The following UVRAG variants were observed in gnomAD, a reference collection of about 807,000 sequenced individuals.
UVRAG encodes UV radiation resistance associated, also known as UV radiation resistance-associated gene protein.
Under a neutral mutation model 78.0 loss-of-function variants are expected in UVRAG, and 19 were observed. The ratio of observed to expected loss-of-function variants is 0.24; its 90% CI spans 0.17 to 0.36. The LOEUF is 0.36. UVRAG is among the 10% of genes least tolerant of loss of function. UVRAG has a pLI of 1.00. For missense variants in UVRAG, 740 were observed against 853.8 expected (o/e 0.87, Z 1.66); for synonymous variants, 323 against 324.6 (o/e 1.00, Z 0.05).
At chr11:76,067,205 T>G (rs1951206973) in intron 13 of UVRAG, among the ~76,000 whole-genome samples, 1 of 152,218 alleles carries the variant, frequency 6.6e-6, no homozygotes, top group Admixed American at 6.5e-5. Context: ...CTCATTGTCC[T>G]CTCAACCATA....
intron 6 of UVRAG, among the ~76,000 whole-genome samples, chr11:75,925,948 A>G (rs1051732835): frequency 2.6e-5 from 4 of 152,070 alleles, no homozygotes; most frequent in African/African-American, 7.2e-5. Context: ...CCTTTCCATT[A>G]TATTTCTCCA....
At chr11:76,129,490 C>A (rs940812932) in intron 14 of UVRAG, among the ~76,000 whole-genome samples, 1 of 152,158 alleles carries the variant, frequency 6.6e-6, no homozygotes. Context: ...GTTCTGATAT[C>A]AGAAATTGCC....
Position 76,018,441 on chromosome 11 carries a change from T to TCAAGA in UVRAG, c.1226+1461_1226+1462insCAAGA, listed in dbSNP as rs1950185228. Among the ~76,000 whole-genome samples the TCAAGA allele has an allele frequency of 3.3e-5, 5 of 152,166 alleles. No individual in the cohort carries two copies. In the South Asian group the frequency reaches 1.0e-3, roughly 32 times the overall value. On this transcript the variant is annotated intron_variant, in intron 12 of 14. Coordinates refer to ENST00000356136, the MANE Select transcript of UVRAG (RefSeq NM_003369.4). Reference sequence around the variant, plus strand: ...TGTTTGTTTTTTTGAGATGGAGTCTTGCTCTGTTGCCAGGCTGGAGGGCAG... The same window carrying TCAAGA: ...TGTTTGTTTTTTTGAGATGGAGTCTTCAAGAGCTCTGTTGCCAGGCTGGAGGGCAG...
At chr11:75,998,195 A>G (rs929535776) in intron 8 of UVRAG, among the ~76,000 whole-genome samples, 12 of 152,226 alleles carry the variant, frequency 7.9e-5, no homozygotes, top group African/African-American at 2.7e-4. Context: ...GCTCACTTAT[A>G]CTAATGGCAC....
At chr11:75,878,933 G>GACCACATA (rs752277595) in intron 3 of UVRAG, among the ~76,000 whole-genome samples, 5 of 150,540 alleles carry the variant, frequency 3.3e-5, no homozygotes, top group Non-Finnish European at 7.5e-5. Flanking sequence ...GGGAGAGGGA[G>GACCACATA]AGGGAGACCC....
At chr11:76,090,886 G>A (rs1311907143) in intron 13 of UVRAG, among the ~76,000 whole-genome samples, 1 of 152,158 alleles carries the variant, frequency 6.6e-6, no homozygotes. Flanking sequence ...ATCTGCTGCA[G>A]TCTGTCATAT....
chr11:75,976,854 G>A (rs902424482), intron 7 of UVRAG, among the ~76,000 whole-genome samples: 9 of 151,902 alleles, frequency 5.9e-5, no homozygotes, highest in East Asian at 1.9e-4. Context: ...AGGTTTTTTT[G>A]TGTCTCTATT....
Position 75,935,533 on chromosome 11 carries a change from G to C in UVRAG, c.593+23494G>C, listed in dbSNP as rs186641603. Among the ~76,000 whole-genome samples the C allele has an allele frequency of 2.6e-4, 39 of 152,148 alleles. No individual in the cohort carries two copies. The East Asian group carries it at 4.6e-3, about 18-fold the overall frequency. ...TGACCATTATTTCCATGGATTAAAA[G>C]ATTGGACAGGCTGCCACTGGGGATA... On this transcript the variant is annotated intron_variant, in intron 6 of 14. Transcript: ENST00000356136.
intron 13 of UVRAG, among the ~76,000 whole-genome samples, chr11:76,094,010 C>G (rs1951747326): frequency 6.6e-6 from 1 of 152,102 alleles, no homozygotes; most frequent in Admixed American, 6.6e-5. Flanking sequence ...ATAAATAGCT[C>G]TTATTATTTT....
chr11:76,055,695 A>G (rs548698585), intron 12 of UVRAG, among the ~76,000 whole-genome samples: 2 of 152,182 alleles, frequency 1.3e-5, no homozygotes, highest in Non-Finnish European at 2.9e-5. Flanking sequence ...GGTAAAATTT[A>G]TATGTAATGA....
intron 8 of UVRAG, among the ~76,000 whole-genome samples, chr11:75,997,443 A>G (rs979367411): frequency 3.3e-5 from 5 of 152,232 alleles, no homozygotes; most frequent in Admixed American, 1.3e-4. Context: ...TTCTTGCTGA[A>G]CAGAGAGGCT....
At chr11:76,134,701 T>C (rs1952571012) in intron 14 of UVRAG, among the ~76,000 whole-genome samples, 1 of 152,234 alleles carries the variant, frequency 6.6e-6, no homozygotes, top group Admixed American at 6.5e-5. Flanking sequence ...CGAATCATAA[T>C]GACAACCACC....
intron 12 of UVRAG, among the ~76,000 whole-genome samples, chr11:76,017,645 GAGAA>G (rs2135371247): frequency 6.6e-6 from 1 of 152,228 alleles, no homozygotes; most frequent in African/African-American, 2.4e-5. Flanking sequence ...AGCAACTAGA[GAGAA>G]AGACATGATA....
chr11:75,897,377 C>T (rs557918626), intron 5 of UVRAG, among the ~76,000 whole-genome samples: 91 of 152,148 alleles, frequency 6.0e-4, no homozygotes, highest in Middle Eastern at 3.4e-3. Flanking sequence ...TGGATAACAC[C>T]GCAGGGAATA....
intron 6 of UVRAG, among the ~76,000 whole-genome samples, chr11:75,949,466 T>G (rs1399445457): frequency 2.6e-5 from 4 of 152,104 alleles, no homozygotes; most frequent in Admixed American, 2.6e-4. Context: ...CTGGCCAAGA[T>G]CTGTCTCCTG....
intron 13 of UVRAG, among the ~76,000 whole-genome samples, chr11:76,096,444 C>T (rs73498213): frequency 0.14 from 21,075 of 152,050 alleles, 3,796 homozygotes; most frequent in African/African-American, 0.42. Context: ...GCTGAGGGAC[C>T]AACTTAATAC....
chr11:76,037,247 G>A (rs1950551164), intron 12 of UVRAG, among the ~76,000 whole-genome samples: 1 of 152,032 alleles, frequency 6.6e-6, no homozygotes, highest in South Asian at 2.1e-4. Flanking sequence ...GCTGAATCTG[G>A]CAATTCAGGA....
chr11:75,972,719 A>G (rs1358043349), intron 7 of UVRAG, among the ~76,000 whole-genome samples: 5 of 152,126 alleles, frequency 3.3e-5, no homozygotes, highest in African/African-American at 9.7e-5. Context: ...TTCTCCTTCA[A>G]TATTCTGTTG....
chr11:75,825,286 G>A (rs1183981132), intron 1 of UVRAG, among the ~76,000 whole-genome samples: 1 of 151,732 alleles, frequency 6.6e-6, no homozygotes, highest in African/African-American at 2.4e-5. Context: ...GCTAATTTTT[G>A]TATTTTTAGT....
Sources: allele counts gnomAD v4.1 joint callset (sites outside exome capture counted in the v4.1 genomes callset), GRCh38; gene constraint gnomAD v4.1.1; transcripts MANE v1.5; gene names NCBI Gene and HGNC (gene_info 2026-07-23, HGNC 2026-07-21).